ZFHX3: variants seen among roughly 807,000 people sequenced by gnomAD.
ZFHX3 encodes the protein zinc finger homeobox protein 3.
ZFHX3 carries 42 observed loss-of-function variants against 279.1 expected under a neutral mutation model. The observed-to-expected ratio is 0.15, with a 90% CI of 0.12 to 0.19. The LOEUF is 0.19. Among genes scored for constraint, ZFHX3 ranks in the 10% least tolerant of loss-of-function variants. The probability of loss-of-function intolerance (pLI) is 1.00; values close to 1 mark genes in which losing one functional copy is unlikely to be tolerated. For synonymous variants in ZFHX3, 2,293 were observed against 1,957.8 expected, an observed-to-expected ratio of 1.17 and a Z score of -4.52; for missense variants, 4,981 against 4,754.0, an observed-to-expected ratio of 1.05 and a Z score of -1.40.
intron 1 of ZFHX3, among the ~76,000 whole-genome samples, chr16:73,784,942 C>A (rs1253282126): frequency 6.6e-6 from 1 of 151,708 alleles, no homozygotes; most frequent in Non-Finnish European, 1.5e-5. Flanking sequence ...CAGAGGAAAC[C>A]ACTTTCAGCT....
intron 2 of ZFHX3, among the ~76,000 whole-genome samples, chr16:73,675,317 A>C (rs2052943597): frequency 6.6e-6 from 1 of 152,154 alleles, no homozygotes; most frequent in South Asian, 2.1e-4. Context: ...GGTTAATTAG[A>C]GAGCTCATTT....
At position 72,957,633 on chromosome 16, in the gene ZFHX3, T is replaced by C. The variant is rs747107650; in HGVS notation, c.2513A>G (p.Asn838Ser). ...GCGGTTGTGTTGGATCTGGGTCATGTTCTGTTGCAGTAACATCATGTTATG... is the reference window on the plus strand; with the variant it reads ...GCGGTTGTGTTGGATCTGGGTCATGCTCTGTTGCAGTAACATCATGTTATG... ...HMHNMMLLQQ[N>S]MTQIQHNRHL... Residue 838 changes from asparagine to serine, a missense_variant, in exon 2 of 10, where the codon AAC becomes AGC. Asn to Ser is a conservative substitution (Grantham distance 46, BLOSUM62 1). Coordinates refer to ENST00000268489, the MANE Select transcript of ZFHX3 (RefSeq NM_006885.4). The C allele has an allele frequency of 2.9e-5, 47 of 1,614,022 alleles. No homozygotes were observed. Among genetic ancestry groups the C allele is most frequent in the Middle Eastern group, 3.3e-4 (2 of 6,084 alleles).
At position 72,958,675 on chromosome 16, in the gene ZFHX3, A is replaced by G; in HGVS notation, c.1471T>C (p.Cys491Arg). The part of the protein sequence containing the change: ...EEEEEEEDEG[C>R]KGLFPSELDE... ...AACTCGCTTGGAAAGAGTCCTTTGC[A>G]ACCCTCGTCTTCCTCCTCCTCTTCT... The change falls in exon 2 of 10, where the codon TGC becomes CGC. Residue 491 changes from cysteine (C) to arginine (R), a missense_variant. Cys to Arg is a radical substitution (Grantham distance 180). Transcript: ENST00000268489. 3 of 1,611,570 alleles carry G rather than the reference A, an allele frequency of 1.9e-6. No homozygotes were observed. Among genetic ancestry groups the G allele is most frequent in the Non-Finnish European group, 2.5e-6 (3 of 1,178,412 alleles).
chr16:73,758,350 C>A (rs1401624294), intron 1 of ZFHX3, among the ~76,000 whole-genome samples: 1 of 152,176 alleles, frequency 6.6e-6, no homozygotes, highest in Non-Finnish European at 1.5e-5. Context: ...AGCAACTTCA[C>A]CACAGAGTTC....
chr16:73,749,840 A>G (rs1253693312), intron 1 of ZFHX3, among the ~76,000 whole-genome samples: 2 of 152,220 alleles, frequency 1.3e-5, no homozygotes, highest in Non-Finnish European at 2.9e-5. Context: ...GCAGCCTTGG[A>G]TGGCCCTGAA....
At chr16:72,975,879 A>C (rs1486858959) in intron 1 of ZFHX3, among the ~76,000 whole-genome samples, 1 of 152,206 alleles carries the variant, frequency 6.6e-6, no homozygotes, top group Non-Finnish European at 1.5e-5. Flanking sequence ...CACGTTAAAT[A>C]GTACTTGGAT....
intron 2 of ZFHX3, among the ~76,000 whole-genome samples, chr16:73,653,905 C>T (rs1014952900): frequency 6.6e-6 from 1 of 152,076 alleles, no homozygotes; most frequent in Admixed American, 6.6e-5. Flanking sequence ...AAAAAGAGGG[C>T]CGGGCACGGT....
At chr16:73,346,986 T>G (rs1280029974) in intron 3 of ZFHX3, among the ~76,000 whole-genome samples, 1 of 152,202 alleles carries the variant, frequency 6.6e-6, no homozygotes, top group Non-Finnish European at 1.5e-5. Context: ...TGGTCATTCC[T>G]GTGTTACAAG....
chr16:72,958,567 T>A lies in ZFHX3; in HGVS notation c.1579A>T (p.Asn527Tyr), dbSNP rs545730865. 62 of 1,614,128 alleles carry A rather than the reference T, an allele frequency of 3.8e-5. No homozygotes were observed. In the South Asian group the frequency reaches 6.1e-4, roughly 16 times the overall value. The part of the protein sequence containing the change: ...SSSKKDLALS[N>Y]QSISNSPLMP... The stretch of plus-strand genomic sequence containing the variant: ...AAGGGGGAGTTAGAAATGCTTTGGT[T>A]TGAGAGAGCAAGGTCCTTTTTGCTG... The change falls in exon 2 of 10, where the codon AAC (asparagine) becomes TAC (tyrosine). Residue 527 changes from asparagine to tyrosine, a missense_variant. By Grantham distance (143) the Asn-to-Tyr change is moderately radical. This residue lies in a region of ZFHX3 where 1,068 missense variants were observed against 935.2 expected (regional missense o/e 1.14). Coordinates refer to ENST00000268489, the MANE Select transcript of ZFHX3 (RefSeq NM_006885.4).
At chr16:73,132,764 G>A (rs151207293) in intron 6 of ZFHX3, among the ~76,000 whole-genome samples, 261 of 152,282 alleles carry the variant, frequency 1.7e-3, no homozygotes, top group Non-Finnish European at 2.2e-3. Context: ...TTGATTAATC[G>A]TGTCACAGTC....
At chr16:73,475,126 C>T (rs2018742926) in intron 2 of ZFHX3, among the ~76,000 whole-genome samples, 1 of 152,160 alleles carries the variant, frequency 6.6e-6, no homozygotes, top group South Asian at 2.1e-4. Context: ...AGTAGTTCTT[C>T]AGTTTTTATT....
At chr16:72,918,535 G>A (rs755406809) in intron 3 of ZFHX3, among the ~76,000 whole-genome samples, 1 of 152,106 alleles carries the variant, frequency 6.6e-6, no homozygotes, top group African/African-American at 2.4e-5. Flanking sequence ...TTCTAGAAGA[G>A]GAACAGGACA....
At chr16:73,164,784 A>AAGCATTCTC (rs372896907) in intron 5 of ZFHX3, among the ~76,000 whole-genome samples, 7 of 152,184 alleles carry the variant, frequency 4.6e-5, no homozygotes, top group South Asian at 2.1e-4. Flanking sequence ...GCCATGGACC[A>AAGCATTCTC]AGCATTCTCA....
intron 4 of ZFHX3, among the ~76,000 whole-genome samples, chr16:72,889,348 A>G (rs1311480237): frequency 1.3e-5 from 2 of 152,168 alleles, no homozygotes; most frequent in Non-Finnish European, 2.9e-5. Flanking sequence ...AATTTGAACC[A>G]ATAAATTGAA....
intron 3 of ZFHX3, among the ~76,000 whole-genome samples, chr16:73,354,523 G>A (rs890762483): frequency 1.3e-5 from 2 of 152,080 alleles, no homozygotes; most frequent in Non-Finnish European, 2.9e-5. Flanking sequence ...TCCCTTCCAC[G>A]CCCTGTTACC....
intron 1 of ZFHX3, among the ~76,000 whole-genome samples, chr16:73,741,642 C>T (rs968833175): frequency 6.6e-6 from 1 of 152,188 alleles, no homozygotes; most frequent in Non-Finnish European, 1.5e-5. Context: ...GACCACTGAG[C>T]CTCATCAAGT....
chr16:73,034,557 C>T (rs1964831527), intron 1 of ZFHX3, among the ~76,000 whole-genome samples: 1 of 152,062 alleles, frequency 6.6e-6, no homozygotes. Context: ...TGCCTTCCTC[C>T]TGCCCCAAAC....
chr16:73,596,596 C>A (rs2052053230), intron 2 of ZFHX3, among the ~76,000 whole-genome samples: 1 of 152,190 alleles, frequency 6.6e-6, no homozygotes, highest in African/African-American at 2.4e-5. Flanking sequence ...GTGCCCTCTT[C>A]ACCACCTGTG....
chr16:73,065,602 TGTGTGC>T (rs1257861414), intron 8 of ZFHX3, among the ~76,000 whole-genome samples: 1 of 146,646 alleles, frequency 6.8e-6, no homozygotes, highest in Non-Finnish European at 1.5e-5. Context: ...TGTGTGTGTG[TGTGTGC>T]GTGTGTGTGT....
Sources: gnomAD v4.1 joint callset for allele counts (sites outside exome capture counted in the v4.1 genomes callset) on GRCh38, gnomAD v4.1.1 for gene constraint, gnomAD v4.1.1 regional missense constraint, MANE v1.5 for transcripts, NCBI Gene and HGNC (gene_info 2026-07-23, HGNC 2026-07-21) for gene names.